Variants in CELF2 observed in about 807,000 individuals in gnomAD.
CELF2 encodes CUGBP Elav-like family member 2.
In CELF2, 8 loss-of-function variants were observed where a neutral mutation model predicts 62.6. That is an observed-to-expected ratio of 0.13 (90% confidence interval 0.07 to 0.23). The LOEUF (loss-of-function observed/expected upper bound fraction) is 0.23. Among genes scored for constraint, CELF2 ranks in the 10% least tolerant of loss-of-function variants. The pLI is 1.00. For synonymous variants in CELF2, 258 were observed against 250.0 expected (o/e 1.03, Z -0.30); for missense variants, 333 against 671.0 (o/e 0.50, Z 5.56).
In CELF2 at chr10:11,290,974, G is replaced by A. The variant is rs2092442212; in HGVS notation, c.976+2422G>A. ...CATCAGGGACTTTTTGAAAGTCACA[G>A]AAAATGTGGTTAGTAGAATTCATGA... is the stretch of plus-strand genomic sequence containing the variant. On this transcript the variant is annotated intron_variant, in intron 9 of 12. Coordinates refer to ENST00000633077, the MANE Select transcript of CELF2 (RefSeq NM_001326342.2). This position sits in a 1 kb window ranked among gnomAD's most constrained non-coding sequence, Gnocchi z 4.3. Among the ~76,000 whole-genome samples the A allele has an allele frequency of 6.6e-6, 1 of 152,336 alleles. No homozygotes were observed. Among genetic ancestry groups the A allele is most frequent in the East Asian group, 1.9e-4 (1 of 5,194 alleles).
the CELF2 span, among the ~76,000 whole-genome samples, chr10:10,473,940 T>A: frequency 6.6e-6 from 1 of 151,906 alleles, no homozygotes; most frequent in African/African-American, 2.4e-5. Flanking sequence ...ATGGGAAGGG[T>A]TTGAATTCAG....
rs970710304 is a variant in CELF2, at chr10:11,306,823, A to T, written c.977-7316A>T. Among the ~76,000 whole-genome samples, 4 of 152,126 alleles carry T rather than the reference A, an allele frequency of 2.6e-5. No individual in the cohort carries two copies. The highest frequency in any genetic ancestry group is 9.7e-5 in the African/African-American group (4 of 41,408). On this transcript the variant is annotated intron_variant, in intron 9 of 12. Coordinates refer to ENST00000633077, the MANE Select transcript of CELF2 (RefSeq NM_001326342.2). This position sits in a 1 kb window ranked among gnomAD's most constrained non-coding sequence, Gnocchi z 4.4. ...TAGTAAGAAGTGAGAAATTATGTCC[A>T]GTTCACTATAGCCAGCCTCCCAGTT...
intron 2 of CELF2, chr10:10,922,910 C>G (rs1401893119): frequency 6.6e-6 from 1 of 152,122 alleles, no homozygotes; most frequent in Non-Finnish European, 1.5e-5. Context: ...ACAAATATTT[C>G]CCTTCCCCAC....
the CELF2 span, among the ~76,000 whole-genome samples, chr10:10,490,801 T>TA: frequency 1.4e-4 from 22 of 152,092 alleles, no homozygotes; most frequent in African/African-American, 4.6e-4. Flanking sequence ...AATACCAAGA[T>TA]AAAAAAGGTT....
At chr10:10,846,508 C>T (rs1448899616) in intron 1 of CELF2, among the ~76,000 whole-genome samples, 1 of 152,124 alleles carries the variant, frequency 6.6e-6, no homozygotes, top group Non-Finnish European at 1.5e-5. Context: ...TGATCCTTTC[C>T]CTGTCACTTT....
At chr10:10,854,218 A>G (rs1302292108) in intron 1 of CELF2, among the ~76,000 whole-genome samples, 1 of 152,196 alleles carries the variant, frequency 6.6e-6, no homozygotes, top group Non-Finnish European at 1.5e-5. Context: ...GGAAGTGTCA[A>G]AAGAGCCTGT....
intron 5 of CELF2, 149 bp downstream of exon 5, chr10:11,258,021 AT>A: frequency 1.2e-6 from 1 of 864,726 alleles, no homozygotes; most frequent in Non-Finnish European, 1.7e-6. Context: ...ACTTTTCACC[AT>A]AGCTGAAATC....
the CELF2 span, among the ~76,000 whole-genome samples, chr10:10,569,403 A>C: frequency 1.3e-5 from 2 of 152,174 alleles, no homozygotes; most frequent in African/African-American, 4.8e-5. Flanking sequence ...TACCACGAGA[A>C]AAGTATGGAG....
intron 5 of CELF2, among the ~76,000 whole-genome samples, chr10:11,264,088 C>T (rs577285922): frequency 3.9e-5 from 6 of 152,164 alleles, no homozygotes; most frequent in Non-Finnish European, 7.3e-5. Flanking sequence ...TAAAGAAGTC[C>T]TCAGATGTGT....
rs1336876937 is a variant in CELF2, at chr10:11,252,934, T to G, written c.403+3733T>G. On this transcript the variant is annotated intron_variant, in intron 4 of 12. Transcript: ENST00000633077. The stretch of plus-strand genomic sequence containing the variant: ...GCAGGGCTTTTGAGGAGGTGTGGAT[T>G]TCATCCTCCATCATAAACGAGCAGA... Among the ~76,000 whole-genome samples, 3 of 152,144 alleles carry G rather than the reference T, an allele frequency of 2.0e-5. No homozygotes were observed. The East Asian group carries it at 5.8e-4, about 29-fold the overall frequency.
chr10:11,234,676 T>G (rs2070389760), intron 3 of CELF2, among the ~76,000 whole-genome samples: 1 of 36,706 alleles, frequency 2.7e-5, no homozygotes, highest in Non-Finnish European at 4.7e-5. Context: ...TGAGACTCCA[T>G]CTCAAAAAAA....
intron 1 of CELF2, among the ~76,000 whole-genome samples, chr10:11,026,404 T>G (rs76977791): frequency 0.057 from 8,723 of 152,296 alleles, 309 homozygotes; most frequent in Middle Eastern, 0.13. Flanking sequence ...CCAGGTGTTT[T>G]CTCTTTGGAA....
chr10:10,648,536 C>A, the CELF2 span, among the ~76,000 whole-genome samples: 2 of 151,972 alleles, frequency 1.3e-5, no homozygotes, highest in South Asian at 4.1e-4. Flanking sequence ...TCAGCCAAAG[C>A]GAAAGAATAA....
chr10:11,114,972 T>C (rs1275652097), intron 1 of CELF2, among the ~76,000 whole-genome samples: 1 of 152,150 alleles, frequency 6.6e-6, no homozygotes, highest in African/African-American at 2.4e-5. Flanking sequence ...CAACATGTAG[T>C]ATATGTACCT....
At chr10:11,135,101 G>GA in intron 1 of CELF2, among the ~76,000 whole-genome samples, 1 of 152,188 alleles carries the variant, frequency 6.6e-6, no homozygotes, top group South Asian at 2.1e-4. Flanking sequence ...ACACCCTGAG[G>GA]AAAAAATGCT....
chr10:11,166,260 C>G (rs573240295), intron 2 of CELF2, among the ~76,000 whole-genome samples: 1 of 152,250 alleles, frequency 6.6e-6, no homozygotes, highest in Non-Finnish European at 1.5e-5. Flanking sequence ...GGAGCAGCAC[C>G]CTAGTGGCCT....
chr10:11,167,308 C>G (rs972039791), intron 2 of CELF2, among the ~76,000 whole-genome samples: 3 of 152,226 alleles, frequency 2.0e-5, no homozygotes, highest in Admixed American at 1.3e-4. Context: ...TAAGGGCTCT[C>G]TCACCAGCCA....
intron 2 of CELF2, among the ~76,000 whole-genome samples, chr10:11,188,552 T>G (rs1443369658): frequency 6.6e-6 from 1 of 152,214 alleles, no homozygotes; most frequent in East Asian, 1.9e-4. Flanking sequence ...CTCAGTCTGC[T>G]TTTAACATTT....
the CELF2 span, among the ~76,000 whole-genome samples, chr10:10,631,898 C>T: frequency 3.9e-5 from 6 of 152,168 alleles, no homozygotes; most frequent in African/African-American, 1.4e-4. Context: ...GAACTTGGTT[C>T]ACCTCTAATC....
Sources: gnomAD v4.1 joint callset for allele counts (sites outside exome capture counted in the v4.1 genomes callset) on GRCh38, gnomAD v4.1.1 for gene constraint, Gnocchi (gnomAD v3.1) non-coding constraint, MANE v1.5 for transcripts, NCBI Gene and HGNC (gene_info 2026-07-23, HGNC 2026-07-21) for gene names.